PURA: variants seen among roughly 807,000 people sequenced by gnomAD.
PURA encodes transcriptional activator protein Pur-alpha.
Under a neutral mutation model 23.1 loss-of-function variants are expected in PURA, and 2 were observed. That is an observed-to-expected ratio of 0.09 (90% CI 0.04 to 0.27). The LOEUF (loss-of-function observed/expected upper bound fraction) is 0.27. PURA is among the 10% of genes least tolerant of loss of function. The pLI is 1.00. For missense variants in PURA, 187 were observed against 449.7 expected, an observed-to-expected ratio of 0.42 and a Z score of 5.28; for synonymous variants, 254 against 205.9, an observed-to-expected ratio of 1.23 and a Z score of -2.00.
Position 140,114,161 on chromosome 5 carries a change from G to T in PURA, c.-21G>T. On this transcript the variant is annotated 5_prime_UTR_variant, in exon 1 of 1. Transcript: ENST00000331327. ...GGGCGGAGCGGCAGGCGGCGGCGGC[G>T]CGGCAGCGGAGCGCAGCATCATGGC... 1 of 636,884 alleles carries T rather than the reference G, an allele frequency of 1.6e-6. No homozygotes were observed. The highest frequency in any genetic ancestry group is 2.2e-6 in the Non-Finnish European group (1 of 457,918). The allele number at this position is 636,884 out of a possible 1,614,324, so 39.5% of individuals were successfully genotyped here.
chr5:140,114,934 C>T lies in PURA; in HGVS notation c.753C>T (p.Pro251=), dbSNP rs970642260. ...TTATGCGAGTGAGCGAGGTGAAGCC[C>T]ACCTATCGCAACTCCATCACCGTGC... ...GVFMRVSEVK[P]TYRNSITVPY... Residue 251 remains proline, a synonymous_variant, in exon 1 of 1, where the codon CCC becomes CCT. Coordinates refer to ENST00000331327, the MANE Select transcript of PURA (RefSeq NM_005859.5). The T allele has an allele frequency of 6.2e-7, 1 of 1,614,242 alleles. No individual in the cohort carries two copies. The highest frequency in any genetic ancestry group is 8.5e-7 in the Non-Finnish European group (1 of 1,180,026).
rs530716333 is a variant in PURA, at chr5:140,124,747, A to G, written c.*9597A>G. On this transcript the variant is annotated 3_prime_UTR_variant, in exon 1 of 1. Coordinates refer to ENST00000331327, the MANE Select transcript of PURA (RefSeq NM_005859.5). ...TAACTTTTATGTTGTCAAATCTTTA[A>G]ATGTGGATGATATTCAGCATTCTAT... 2 of 167,152 alleles carry G rather than the reference A, an allele frequency of 1.2e-5. No homozygotes were observed. The highest frequency in any genetic ancestry group is 2.1e-4 in the South Asian group (1 of 4,832). The allele number at this position is 167,152 out of a possible 1,614,324, so 10.4% of individuals were successfully genotyped here.
rs1561794647 is a variant in PURA at position 140,119,641 on chromosome 5, T to G, written c.*4491T>G. Reference sequence around the variant, plus strand: ...TATGTCAACTTTTTTCTTCCTATTTTCTTATGTAACTTGACGTTTGGGGGG... The same window carrying G: ...TATGTCAACTTTTTTCTTCCTATTTGCTTATGTAACTTGACGTTTGGGGGG... On this transcript the variant is annotated 3_prime_UTR_variant, in exon 1 of 1. Coordinates refer to ENST00000331327, the MANE Select transcript of PURA (RefSeq NM_005859.5). 1 of 166,926 alleles carries G rather than the reference T, an allele frequency of 6.0e-6. No individual in the cohort carries two copies. The allele number at this position is 166,926 out of a possible 1,614,324, so 10.3% of individuals were successfully genotyped here.
Position 140,124,996 on chromosome 5 carries a change from C to A in PURA, c.*9846C>A, listed in dbSNP as rs551591493. On this transcript the variant is annotated 3_prime_UTR_variant, in exon 1 of 1. Transcript: ENST00000331327. ...AATTTGTCCCTGGCCTTTTTCGAGG[C>A]CATTTTTAGTTTTCTGCCCCCATTT... is the stretch of plus-strand genomic sequence containing the variant. The A allele has an allele frequency of 1.2e-5, 2 of 167,036 alleles. No homozygotes were observed. Among genetic ancestry groups the A allele is most frequent in the South Asian group, 4.2e-4 (2 of 4,804 alleles). The allele number at this position is 167,036 out of a possible 1,614,324, so 10.3% of individuals were successfully genotyped here.
Position 140,117,808 on chromosome 5 carries a change from T to C in PURA, c.*2658T>C, listed in dbSNP as rs2126750882. On this transcript the variant is annotated 3_prime_UTR_variant, in exon 1 of 1. Transcript: ENST00000331327. ...AATCTAACTACGATTTTGAAACCAGTGTCTGATTTATGGTCAGTGGGTTTA... is the reference window on the plus strand; with the variant it reads ...AATCTAACTACGATTTTGAAACCAGCGTCTGATTTATGGTCAGTGGGTTTA... The C allele has an allele frequency of 6.0e-6, 1 of 166,012 alleles. No individual in the cohort carries two copies. The highest frequency in any genetic ancestry group is 1.5e-5 in the Non-Finnish European group (1 of 68,076). 10.3% of individuals were successfully genotyped at this position (166,012 alleles called of 1,614,324 possible).
Position 140,114,469 on chromosome 5 carries a change from CAAG to C in PURA, c.290_292del (p.Lys97del). 6.2e-7 allele frequency: 1 copy of C among 1,612,698 alleles called. No homozygotes were observed. The highest frequency in any genetic ancestry group is 8.5e-7 in the Non-Finnish European group (1 of 1,179,682). ...TCGCCGAGGTGGGCGCGGGCGGCAA[CAAG>C]AGCCGCCTTACTCTCTCCATGTCAG... On this transcript the variant is annotated inframe_deletion, in exon 1 of 1. Transcript: ENST00000331327.
chr5:140,117,505 A>C lies in PURA; in HGVS notation c.*2355A>C, dbSNP rs1012307451. The C allele has an allele frequency of 1.2e-5, 2 of 167,084 alleles. No individual in the cohort carries two copies. Among genetic ancestry groups the C allele is most frequent in the Non-Finnish European group, 2.9e-5 (2 of 68,110 alleles). The allele number at this position is 167,084 out of a possible 1,614,324, so 10.4% of individuals were successfully genotyped here. ...GTCTCTTGTTTACTATAGCTTCTTA[A>C]AGTTAAGCCTTGTACTACAGGTTGT... On this transcript the variant is annotated 3_prime_UTR_variant, in exon 1 of 1. Transcript: ENST00000331327.
rs1763094276 is a variant in PURA, at chr5:140,117,443, G to A, written c.*2293G>A. 6.0e-6 allele frequency: 1 copy of A among 166,860 alleles called. No individual in the cohort carries two copies. The highest frequency in any genetic ancestry group is 1.5e-5 in the Non-Finnish European group (1 of 68,082). The allele number at this position is 166,860 out of a possible 1,614,324, so 10.3% of individuals were successfully genotyped here. On this transcript the variant is annotated 3_prime_UTR_variant, in exon 1 of 1. Transcript: ENST00000331327. Reference sequence around the variant, plus strand: ...ATATGGAAAAGACTGCATTCTCTGTGCTGTTACTAATTAGGAAAGAGAATT... The same window carrying A: ...ATATGGAAAAGACTGCATTCTCTGTACTGTTACTAATTAGGAAAGAGAATT...
chr5:140,117,965 C>T lies in PURA; in HGVS notation c.*2815C>T, dbSNP rs565310435. ...AGCACCCTCCCAAACCTTGTCTTCC[C>T]TCTTCTGTTGCATCCTTTCCCTACC... On this transcript the variant is annotated 3_prime_UTR_variant, in exon 1 of 1. Coordinates refer to ENST00000331327, the MANE Select transcript of PURA (RefSeq NM_005859.5). 326 of 166,944 alleles carry T rather than the reference C, an allele frequency of 2.0e-3. 1 individual carries two copies. Among genetic ancestry groups the T allele is most frequent in the Non-Finnish European group, 2.3e-3 (159 of 68,024 alleles). 10.3% of individuals were successfully genotyped at this position (166,944 alleles called of 1,614,324 possible). A position where few individuals can be genotyped will look rare whatever the true frequency, so the allele number is the denominator to read the frequency against.
chr5:140,114,277 G>GGGC lies in PURA; in HGVS notation c.99_101dup (p.Gly42dup), dbSNP rs1198520751. On this transcript the variant is annotated inframe_insertion, in exon 1 of 1. Coordinates refer to ENST00000331327, the MANE Select transcript of PURA (RefSeq NM_005859.5). ...CCGGCTCGGGCTCAGGCTCCGGCGG[G>GGGC]GGCGGTGGTGGCGGCGGGGGCGGCG... 1 of 1,231,130 alleles carries GGGC rather than the reference G, an allele frequency of 8.1e-7. No individual in the cohort carries two copies. Among genetic ancestry groups the GGGC allele is most frequent in the Non-Finnish European group, 1.0e-6 (1 of 993,834 alleles). The allele number at this position is 1,231,130 out of a possible 1,614,324, so 76.3% of individuals were successfully genotyped here.
In PURA at chr5:140,115,188, T is replaced by G; in HGVS notation, c.*38T>G. ...AAACCCCCACACACACACACATGCATACACACACACACACAGCCACACACA... is the reference window on the plus strand; with the variant it reads ...AAACCCCCACACACACACACATGCAGACACACACACACACAGCCACACACA... On this transcript the variant is annotated 3_prime_UTR_variant, in exon 1 of 1. Transcript: ENST00000331327. The surrounding 1 kb of genome is among the most constrained non-coding windows in gnomAD (Gnocchi z 4.1). 9.2e-7 allele frequency: 1 copy of G among 1,089,662 alleles called. No individual in the cohort carries two copies. The highest frequency in any genetic ancestry group is 1.3e-6 in the Non-Finnish European group (1 of 772,494). 67.5% of individuals were successfully genotyped at this position (1,089,662 alleles called of 1,614,324 possible). A position where few individuals can be genotyped will look rare whatever the true frequency, so the allele number is the denominator to read the frequency against.
rs764979877 is a variant in PURA at position 140,114,346 on chromosome 5, G to A, written c.165G>A (p.Gln55=). 1.9e-6 allele frequency: 3 copies of A among 1,576,018 alleles called. No individual in the cohort carries two copies. The highest frequency in any genetic ancestry group is 1.8e-5 in the Admixed American group (1 of 57,024). Residue 55 remains glutamine (Q), a synonymous_variant, in exon 1 of 1, where the codon CAG becomes CAA. Transcript: ENST00000331327. ...GCGGCGGGGCCCCAGGGGGGCTGCAGCACGAGACGCAGGAGCTGGCCTCCA... is the reference window on the plus strand; with the variant it reads ...GCGGCGGGGCCCCAGGGGGGCTGCAACACGAGACGCAGGAGCTGGCCTCCA... ...GGGGGAPGGL[Q]HETQELASKR... is the part of the protein sequence containing the mutation.
Position 140,121,748 on chromosome 5 carries a change from A to G in PURA, c.*6598A>G. The G allele has an allele frequency of 6.0e-6, 1 of 167,020 alleles. No homozygotes were observed. The allele number at this position is 167,020 out of a possible 1,614,324, so 10.3% of individuals were successfully genotyped here. ...AGTCTTAAGCTGGCAGTTTGAAGGT[A>G]TCTAAATTAATGTTAAGAAACTTGT... is the stretch of plus-strand genomic sequence containing the variant. On this transcript the variant is annotated 3_prime_UTR_variant, in exon 1 of 1. Transcript: ENST00000331327.
At position 140,124,680 on chromosome 5, in the gene PURA, C is replaced by G. The variant is rs921063212; in HGVS notation, c.*9530C>G. 6.0e-6 allele frequency: 1 copy of G among 166,826 alleles called. No homozygotes were observed. Among genetic ancestry groups the G allele is most frequent in the African/African-American group, 2.4e-5 (1 of 41,376 alleles). The allele number at this position is 166,826 out of a possible 1,614,324, so 10.3% of individuals were successfully genotyped here. On this transcript the variant is annotated 3_prime_UTR_variant, in exon 1 of 1. Transcript: ENST00000331327. ...ATATTTGATTCTAGATAATCCTTTA[C>G]TCAAAATCATAAGTTAAAGATTCAC...
chr5:140,125,390 GA>G lies in PURA; in HGVS notation c.*10246del, dbSNP rs1206356366. On this transcript the variant is annotated 3_prime_UTR_variant, in exon 1 of 1. Transcript: ENST00000331327. ...GACATTATAACAACCAGAGAGAAGG[GA>G]AAAAAGCAAAGTTCTGAAAGCTATT... The G allele has an allele frequency of 1.8e-5, 3 of 166,960 alleles. No homozygotes were observed. The highest frequency in any genetic ancestry group is 4.8e-5 in the African/African-American group (2 of 41,418). The allele number at this position is 166,960 out of a possible 1,614,324, so 10.3% of individuals were successfully genotyped here.
At position 140,114,685 on chromosome 5, in the gene PURA, G is replaced by A; in HGVS notation, c.504G>A (p.Leu168=). 6.2e-7 allele frequency: 1 copy of A among 1,612,362 alleles called. No homozygotes were observed. The highest frequency in any genetic ancestry group is 8.5e-7 in the Non-Finnish European group (1 of 1,179,820). The part of the protein sequence containing the change: ...DLKENQRGRF[L]RIRQTVNRGP... ...AGGAGAACCAGCGCGGCCGCTTCCT[G>A]CGCATCCGCCAGACGGTCAACCGGG... Residue 168 remains leucine (L), a synonymous_variant, in exon 1 of 1, where the codon CTG becomes CTA. Transcript: ENST00000331327.
In PURA at chr5:140,121,241, G is replaced by A. The variant is rs1035939075; in HGVS notation, c.*6091G>A. 2.4e-5 allele frequency: 4 copies of A among 166,926 alleles called. No individual in the cohort carries two copies. The highest frequency in any genetic ancestry group is 4.4e-5 in the Non-Finnish European group (3 of 67,996). The allele number at this position is 166,926 out of a possible 1,614,324, so 10.3% of individuals were successfully genotyped here. A position where few individuals can be genotyped will look rare whatever the true frequency, so the allele number is the denominator to read the frequency against. ...AAAACATGGAAATACTCTTGTTAGTGTGTGTTTTGGTCTAAGGTAGATTAT... is the reference window on the plus strand; with the variant it reads ...AAAACATGGAAATACTCTTGTTAGTATGTGTTTTGGTCTAAGGTAGATTAT... On this transcript the variant is annotated 3_prime_UTR_variant, in exon 1 of 1. Transcript: ENST00000331327.
rs1763126725 is a variant in PURA at position 140,119,544 on chromosome 5, G to A, written c.*4394G>A. 1 of 166,736 alleles carries A rather than the reference G, an allele frequency of 6.0e-6. No individual in the cohort carries two copies. Among genetic ancestry groups the A allele is most frequent in the East Asian group, 1.9e-4 (1 of 5,200 alleles). 10.3% of individuals were successfully genotyped at this position (166,736 alleles called of 1,614,324 possible). ...AAATCCGTTGATAATGAGAATCTGG[G>A]TGGGTATCATGGCCCAAGCACTTTA... On this transcript the variant is annotated 3_prime_UTR_variant, in exon 1 of 1. Coordinates refer to ENST00000331327, the MANE Select transcript of PURA (RefSeq NM_005859.5).
In PURA at chr5:140,122,872, A is replaced by G. The variant is rs993575729; in HGVS notation, c.*7722A>G. 6.0e-6 allele frequency: 1 copy of G among 166,814 alleles called. No homozygotes were observed. The highest frequency in any genetic ancestry group is 1.9e-4 in the East Asian group (1 of 5,210). 10.3% of individuals were successfully genotyped at this position (166,814 alleles called of 1,614,324 possible). On this transcript the variant is annotated 3_prime_UTR_variant, in exon 1 of 1. Transcript: ENST00000331327. Reference sequence around the variant, plus strand: ...TTAACTCTTTGTTGTCAAATTTAGTATGGATTTATTCCTGGTGATTTGGAC... The same window carrying G: ...TTAACTCTTTGTTGTCAAATTTAGTGTGGATTTATTCCTGGTGATTTGGAC...
Sources: allele counts gnomAD v4.1 joint callset, GRCh38; gene constraint gnomAD v4.1.1; non-coding constraint Gnocchi (gnomAD v3.1); transcripts MANE v1.5; gene names NCBI Gene and HGNC (gene_info 2026-07-23, HGNC 2026-07-21).